The following PCDHA13 variants were observed in gnomAD, a reference collection of about 807,000 sequenced individuals.
PCDHA13 encodes protocadherin alpha-13.
PCDHA13 carries 54 observed loss-of-function variants against 64.8 expected under a neutral mutation model. That is an observed-to-expected ratio of 0.83 (90% confidence interval 0.67 to 1.04). The LOEUF (loss-of-function observed/expected upper bound fraction) is 1.04, where lower values mean the gene tolerates loss of function less well. Among genes scored for constraint, PCDHA13 ranks in the 50% least tolerant of loss-of-function variants. The pLI is 0.00. For missense variants in PCDHA13, 1,248 were observed against 1,254.3 expected (o/e 0.99, Z 0.08); for synonymous variants, 587 against 564.4 (o/e 1.04, Z -0.57).
intron 1 of PCDHA13, chr5:140,926,630 C>T (rs754707244): frequency 6.0e-5 from 25 of 417,902 alleles, no homozygotes; most frequent in Non-Finnish European, 3.3e-5. Context: ...CGGCGCTGCG[C>T]TCCTCAACAC....
Position 140,883,150 on chromosome 5 carries a change from C to T in PCDHA13, c.882C>T (p.Thr294=). The change falls in exon 1 of 4, where the codon ACC becomes ACT. Residue 294 remains threonine, a synonymous_variant. Coordinates refer to ENST00000289272, the MANE Select transcript of PCDHA13 (RefSeq NM_018904.3). ...PVWPAVVYAF[T]INPNNGEIRT... ...GGCCTGCAGTGGTATATGCATTTAC[C>T]ATAAATCCGAACAATGGAGAAATTA... 1 of 1,613,910 alleles carries T rather than the reference C, an allele frequency of 6.2e-7. No homozygotes were observed. The highest frequency in any genetic ancestry group is 8.5e-7 in the Non-Finnish European group (1 of 1,180,020).
At chr5:140,901,439 A>G (rs2068668793) in intron 1 of PCDHA13, among the ~76,000 whole-genome samples, 1 of 152,164 alleles carries the variant, frequency 6.6e-6, no homozygotes, top group South Asian at 2.1e-4. Flanking sequence ...ATGGATATCT[A>G]GTTTCCCAGC....
chr5:140,919,954 T>G (rs1159524037), intron 1 of PCDHA13, among the ~76,000 whole-genome samples: 2 of 149,936 alleles, frequency 1.3e-5, no homozygotes, highest in East Asian at 4.0e-4. Context: ...AAAAGTTTGT[T>G]TTGTTTTTTA....
chr5:140,932,562 G>A lies in PCDHA13; in HGVS notation c.2395-46387G>A, dbSNP rs566002035. The stretch of plus-strand genomic sequence containing the variant: ...TTATTTAACATACATTCCACAAGTA[G>A]ACTTTCCCATAGGGTAATTAGATGT... On this transcript the variant is annotated intron_variant, in intron 1 of 3. Coordinates refer to ENST00000289272, the MANE Select transcript of PCDHA13 (RefSeq NM_018904.3). Among the ~76,000 whole-genome samples the A allele has an allele frequency of 1.9e-4, 29 of 151,988 alleles. No individual in the cohort carries two copies. The South Asian group carries it at 6.0e-3, about 32-fold the overall frequency.
chr5:140,887,525 TC>T (rs552124664), intron 1 of PCDHA13, among the ~76,000 whole-genome samples: 1 of 152,154 alleles, frequency 6.6e-6, no homozygotes, highest in South Asian at 2.1e-4. Context: ...TATATATGAG[TC>T]TTCCTCTCCC....
intron 1 of PCDHA13, among the ~76,000 whole-genome samples, chr5:140,937,861 G>A (rs1159207693): frequency 6.6e-6 from 1 of 150,994 alleles, no homozygotes; most frequent in African/African-American, 2.4e-5. Context: ...GGAGTGAGCC[G>A]AGATCGCGCC....
rs70988781 is a variant in PCDHA13 at position 140,941,319 on chromosome 5, CTT to C, written c.2395-37616_2395-37615del. Among the ~76,000 whole-genome samples, 109 of 104,374 alleles carry C rather than the reference CTT, an allele frequency of 1.0e-3. 2 individuals are homozygous for C. Among genetic ancestry groups the C allele is most frequent in the East Asian group, 2.8e-3 (11 of 3,932 alleles). The allele number at this position is 104,374 out of a possible 152,430, so 68.5% of individuals were successfully genotyped here. A position where few individuals can be genotyped will look rare whatever the true frequency, so the allele number is the denominator to read the frequency against. ...TTCTTTCTTTCTTTTTCTTCTTTCT[CTT>C]TTTTTTTTTTTTTCAGATGGAGTCT... On this transcript the variant is annotated intron_variant, in intron 1 of 3. Coordinates refer to ENST00000289272, the MANE Select transcript of PCDHA13 (RefSeq NM_018904.3).
chr5:140,912,612 A>T (rs1286245692), intron 1 of PCDHA13, among the ~76,000 whole-genome samples: 1 of 151,994 alleles, frequency 6.6e-6, no homozygotes, highest in South Asian at 2.1e-4. Context: ...CTCTTGTCTG[A>T]TTACTCTGGA....
At chr5:140,968,094 A>T in intron 1 of PCDHA13, 1 of 1,614,138 alleles carries the variant, frequency 6.2e-7, no homozygotes, top group Non-Finnish European at 8.5e-7. Flanking sequence ...ACAGCCACAG[A>T]TGGGGGAATA....
chr5:140,982,267 A>T, intron 2 of PCDHA13: 4 of 883,458 alleles, frequency 4.5e-6, no homozygotes, highest in Non-Finnish European at 6.5e-6. Context: ...GTGTTCCTGG[A>T]ATAGTATAGC....
chr5:140,986,042 C>T (rs1344724281), intron 3 of PCDHA13, among the ~76,000 whole-genome samples: 1 of 152,104 alleles, frequency 6.6e-6, no homozygotes, highest in Admixed American at 6.5e-5. Context: ...CCTGGCCTCA[C>T]TGATGAATTC....
intron 1 of PCDHA13, chr5:140,967,843 T>G (rs782701780): frequency 6.2e-7 from 1 of 1,614,102 alleles, no homozygotes; most frequent in East Asian, 2.2e-5. Flanking sequence ...TGGACGTGAA[T>G]GACAATGCCC....
chr5:140,903,146 C>A (rs2070035349), intron 1 of PCDHA13, among the ~76,000 whole-genome samples: 1 of 152,178 alleles, frequency 6.6e-6, no homozygotes, highest in South Asian at 2.1e-4. Flanking sequence ...AAACTGTTTT[C>A]CATAGTGGTT....
intron 1 of PCDHA13, among the ~76,000 whole-genome samples, chr5:140,954,247 A>T (rs782077145): frequency 2.6e-5 from 4 of 152,196 alleles, no homozygotes; most frequent in Non-Finnish European, 4.4e-5. Context: ...ATGAACATAC[A>T]CATGCAGGTA....
In PCDHA13 at chr5:140,937,571, C is replaced by T. The variant is rs188926211; in HGVS notation, c.2395-41378C>T. 1.3e-4 allele frequency among the ~76,000 whole-genome samples: 20 copies of T among 151,578 alleles called. No homozygotes were observed. The East Asian group carries it at 2.7e-3, about 21-fold the overall frequency. On this transcript the variant is annotated intron_variant, in intron 1 of 3. Coordinates refer to ENST00000289272, the MANE Select transcript of PCDHA13 (RefSeq NM_018904.3). Reference sequence around the variant, plus strand: ...GGCAGAGGTTGCAGTGAGCTGGGATCGCGTCACTGCACTCTAGCCTGGGCA... The same window carrying T: ...GGCAGAGGTTGCAGTGAGCTGGGATTGCGTCACTGCACTCTAGCCTGGGCA...
chr5:140,956,953 C>G (rs1347983778), intron 1 of PCDHA13, among the ~76,000 whole-genome samples: 1 of 135,202 alleles, frequency 7.4e-6, no homozygotes, highest in Non-Finnish European at 1.7e-5. Flanking sequence ...CATTAAAACA[C>G]TGTAATTAAT....
intron 1 of PCDHA13, chr5:140,927,462 A>C (rs782679625): frequency 6.2e-7 from 1 of 1,614,138 alleles, no homozygotes; most frequent in East Asian, 2.2e-5. Flanking sequence ...TGGAGAAAGC[A>C]CTGGATCGCG....
At chr5:140,992,954 C>T (rs1174073844) in intron 3 of PCDHA13, among the ~76,000 whole-genome samples, 4 of 152,190 alleles carry the variant, frequency 2.6e-5, no homozygotes, top group Non-Finnish European at 5.9e-5. Context: ...TTAAATCACC[C>T]CTTATACTGC....
intron 1 of PCDHA13, among the ~76,000 whole-genome samples, chr5:140,913,140 G>T (rs1562991745): frequency 6.6e-6 from 1 of 152,068 alleles, no homozygotes; most frequent in African/African-American, 2.4e-5. Context: ...CTACTTTTTG[G>T]AATAGTTTGA....
Sources: allele counts gnomAD v4.1 joint callset (sites outside exome capture counted in the v4.1 genomes callset), GRCh38; gene constraint gnomAD v4.1.1; transcripts MANE v1.5; gene names NCBI Gene and HGNC (gene_info 2026-07-23, HGNC 2026-07-21).